The following CFAP53 variants were observed in gnomAD, a reference collection of about 807,000 sequenced individuals.
The protein encoded by CFAP53 is cilia- and flagella-associated protein 53.
Under a neutral mutation model 59.7 loss-of-function variants are expected in CFAP53, and 62 were observed. The observed-to-expected ratio is 1.04, with a 90% confidence interval of 0.85 to 1.28. CFAP53 has a LOEUF of 1.28. Among genes scored for constraint, CFAP53 ranks in the 50% most tolerant of loss-of-function variants. CFAP53 has a pLI of 0.00. For missense variants in CFAP53, 629 were observed against 615.6 expected (o/e 1.02, Z -0.23); for synonymous variants, 218 against 205.7 (o/e 1.06, Z -0.51).
chr18:50,251,450 T>G lies in CFAP53; in HGVS notation c.777+31A>C, dbSNP rs766221203. The G allele has an allele frequency of 1.9e-6, 3 of 1,586,886 alleles. No individual in the cohort carries two copies. The South Asian group carries it at 3.4e-5, about 18-fold the overall frequency. On this transcript the variant is annotated intron_variant, in intron 4 of 7. Coordinates refer to ENST00000398545, the MANE Select transcript of CFAP53 (RefSeq NM_145020.5). ...AACTGTACTACACCCATGGCGTTGA[T>G]CACCCTCTAACAAGCATTTTAAAGG...
rs573082843 is a variant in CFAP53, at chr18:50,262,043, T to C, written c.246A>G (p.Arg82=). The change falls in exon 2 of 8, where the codon AGA becomes AGG. Residue 82 remains arginine, a synonymous_variant. Transcript: ENST00000398545. ...TAAACCCTTGCACAGCATCCTTGAT[T>C]CTTGCTCGCACAAGGCTGTCCAAAA... is the stretch of plus-strand genomic sequence containing the variant. ...CKILDSLVRA[R]IKDAVQGFII... is the part of the protein sequence containing the mutation. 8 of 1,614,222 alleles carry C rather than the reference T, an allele frequency of 5.0e-6. No homozygotes were observed. The South Asian group carries it at 7.7e-5, about 16-fold the overall frequency.
chr18:50,257,708 G>A (rs1568158799), intron 3 of CFAP53, among the ~76,000 whole-genome samples: 3 of 152,220 alleles, frequency 2.0e-5, no homozygotes, highest in Non-Finnish European at 2.9e-5. Flanking sequence ...CAGACAAAAC[G>A]CAATCCCTAT....
intron 7 of CFAP53, among the ~76,000 whole-genome samples, chr18:50,236,738 T>C (rs1359068588): frequency 6.6e-6 from 1 of 152,174 alleles, no homozygotes; most frequent in African/African-American, 2.4e-5. Context: ...TTCAGATGAA[T>C]ATATAGCCTC....
At position 50,266,433 on chromosome 18, in the gene CFAP53, C is replaced by A; in HGVS notation, c.-29G>T. ...CGAGTCCCCTTCGGGACGGGGGCGG[C>A]GTCCGCCGCGTTTCCCCCAACCGTG... On this transcript the variant is annotated 5_prime_UTR_variant, in exon 1 of 8. Transcript: ENST00000398545. The A allele has an allele frequency of 6.2e-7, 1 of 1,611,106 alleles. No homozygotes were observed. The highest frequency in any genetic ancestry group is 8.5e-7 in the Non-Finnish European group (1 of 1,177,196).
At position 50,239,163 on chromosome 18, in the gene CFAP53, G is replaced by A. The variant is rs191536477; in HGVS notation, c.1214-458C>T. The stretch of plus-strand genomic sequence containing the variant: ...AGCATTTTGGGAGGCTGAGGCAGGT[G>A]GGTCACCTGAGGTCAGGAGTTCGAG... On this transcript the variant is annotated intron_variant, in intron 6 of 7. Transcript: ENST00000398545. Among the ~76,000 whole-genome samples, 595 of 151,600 alleles carry A rather than the reference G, an allele frequency of 3.9e-3. 3 individuals are homozygous for A. Among genetic ancestry groups the A allele is most frequent in the African/African-American group, 0.014 (562 of 41,414 alleles).
At chr18:50,243,573 C>T (rs1031402177) in intron 5 of CFAP53, among the ~76,000 whole-genome samples, 7 of 152,216 alleles carry the variant, frequency 4.6e-5, no homozygotes, top group African/African-American at 1.4e-4. Flanking sequence ...AGAGCACTGT[C>T]TCTCTGGCTG....
At chr18:50,264,581 T>C (rs896606245) in intron 1 of CFAP53, among the ~76,000 whole-genome samples, 10 of 152,214 alleles carry the variant, frequency 6.6e-5, no homozygotes, top group African/African-American at 2.4e-4. Context: ...TTGTTTAGGG[T>C]CCAAGTCTCA....
At chr18:50,240,091 T>G (rs938744456) in intron 6 of CFAP53, among the ~76,000 whole-genome samples, 6 of 152,204 alleles carry the variant, frequency 3.9e-5, no homozygotes, top group African/African-American at 1.4e-4. Context: ...TCAGATTACC[T>G]GCTCCACCCT....
At chr18:50,239,120 C>T (rs1356730142) in intron 6 of CFAP53, among the ~76,000 whole-genome samples, 3 of 150,632 alleles carry the variant, frequency 2.0e-5, no homozygotes, top group Non-Finnish European at 4.4e-5. Flanking sequence ...GGGCACAATG[C>T]CTCATGCCGG....
rs1367305168 is a variant in CFAP53, at chr18:50,242,900, A to G, written c.1213T>C (p.Leu405=). The change falls in exon 6 of 8, where the codon TTG becomes CTG. Residue 405 remains leucine, a splice_region_variant and synonymous_variant. Transcript: ENST00000398545. ...CTRKLQVQEK[L]QREAKEQEER... ...ATATAACTGTAATTCAGTTCCTTAC[A>G]CTTTTCTTGAACTTGAAGTTTTCTT... The G allele has an allele frequency of 6.2e-7, 1 of 1,611,310 alleles. No individual in the cohort carries two copies. Among genetic ancestry groups the G allele is most frequent in the African/African-American group, 1.3e-5 (1 of 74,912 alleles).
chr18:50,230,594 G>A (rs2033573132), intron 7 of CFAP53, among the ~76,000 whole-genome samples: 1 of 152,204 alleles, frequency 6.6e-6, no homozygotes, highest in African/African-American at 2.4e-5. Context: ...AACCTGAGGA[G>A]GAGGTCGTGG....
At position 50,251,488 on chromosome 18, in the gene CFAP53, C is replaced by T. The variant is rs577715279; in HGVS notation, c.770G>A (p.Arg257His). The change falls in exon 4 of 8, where the codon CGC (arginine) becomes CAC (histidine). Residue 257 changes from arginine to histidine, a missense_variant. Physicochemically the swap from Arg to His is conservative, Grantham distance 29. Transcript: ENST00000398545. ...ATQLLKEEEA[R>H]LVESNNAQIK... is the part of the protein sequence containing the mutation. Reference sequence around the variant, plus strand: ...AGCATTTTAAAGGCCCACCACAAGGCGTGCCTCCTCTTCCTTCAGCAGCTG... The same window carrying T: ...AGCATTTTAAAGGCCCACCACAAGGTGTGCCTCCTCTTCCTTCAGCAGCTG... 22 of 1,612,390 alleles carry T rather than the reference C, an allele frequency of 1.4e-5. No homozygotes were observed. Among genetic ancestry groups the T allele is most frequent in the African/African-American group, 8.0e-5 (6 of 74,982 alleles).
chr18:50,229,743 T>TC, intron 7 of CFAP53, among the ~76,000 whole-genome samples: 1 of 149,402 alleles, frequency 6.7e-6, no homozygotes. Flanking sequence ...TCTTTTTCTT[T>TC]TTTTTTTTTT....
Position 50,250,775 on chromosome 18 carries a change from T to C in CFAP53, c.979A>G (p.Lys327Glu), listed in dbSNP as rs748355157. ...ALQDLQEEAD[K>E]KKQKREDMIR... ...TGTCTTACTCTTTTTTGTTTCTTTT[T>C]ATCTGCCTCTTCCTGTAAGTCTTGA... Residue 327 changes from lysine to glutamate, a missense_variant, in exon 5 of 8, where the codon AAA becomes GAA. By Grantham distance (56) the Lys-to-Glu change is moderately conservative. Transcript: ENST00000398545. 6.2e-7 allele frequency: 1 copy of C among 1,614,132 alleles called. No individual in the cohort carries two copies. Among genetic ancestry groups the C allele is most frequent in the Admixed American group, 1.7e-5 (1 of 60,022 alleles).
intron 5 of CFAP53, among the ~76,000 whole-genome samples, chr18:50,245,490 C>G (rs2033735951): frequency 2.0e-5 from 3 of 151,652 alleles, no homozygotes; most frequent in Non-Finnish European, 4.4e-5. Flanking sequence ...CAGCATCAAT[C>G]TAAAATGAAA....
At chr18:50,249,705 G>A (rs1054425293) in intron 5 of CFAP53, among the ~76,000 whole-genome samples, 2 of 152,090 alleles carry the variant, frequency 1.3e-5, no homozygotes, top group Non-Finnish European at 2.9e-5. Context: ...GGGTTAAGAA[G>A]GGGGTGGGGC....
intron 5 of CFAP53, among the ~76,000 whole-genome samples, chr18:50,249,627 G>A (rs934143079): frequency 6.6e-6 from 1 of 152,096 alleles, no homozygotes; most frequent in African/African-American, 2.4e-5. Context: ...TATCTGAAAA[G>A]ATTACACACT....
intron 6 of CFAP53, among the ~76,000 whole-genome samples, chr18:50,241,185 C>G (rs1019466548): frequency 6.6e-6 from 1 of 152,132 alleles, no homozygotes; most frequent in Non-Finnish European, 1.5e-5. Context: ...CAAAGCTTAC[C>G]CTTACAAGAA....
chr18:50,245,330 C>A (rs1280012927), intron 5 of CFAP53, among the ~76,000 whole-genome samples: 1 of 146,772 alleles, frequency 6.8e-6, no homozygotes, highest in Non-Finnish European at 1.5e-5. Context: ...TGCAGTGAGC[C>A]GAGATTGCAC....
Sources: gnomAD v4.1 joint callset for allele counts (sites outside exome capture counted in the v4.1 genomes callset) on GRCh38, gnomAD v4.1.1 for gene constraint, MANE v1.5 for transcripts, NCBI Gene and HGNC (gene_info 2026-07-23, HGNC 2026-07-21) for gene names.